The following JADE3 variants were observed in gnomAD, a reference collection of about 807,000 sequenced individuals.
JADE3 encodes the protein protein Jade-3.
In JADE3, 2 loss-of-function variants were observed where a neutral mutation model predicts 50.1. The observed-to-expected ratio is 0.04, with a 90% confidence interval of 0.02 to 0.13. JADE3 has a LOEUF of 0.13. Among genes scored for constraint, JADE3 ranks in the 10% least tolerant of loss-of-function variants. The pLI, the probability that JADE3 is intolerant of heterozygous loss-of-function variation, is 1.00. For missense variants in JADE3, 475 were observed against 634.4 expected, an observed-to-expected ratio of 0.75 and a Z score of 2.70; for synonymous variants, 218 against 232.9, an observed-to-expected ratio of 0.94 and a Z score of 0.58.
chrX:47,035,762 G>A (rs1422420523), intron 7 of JADE3, among the ~76,000 whole-genome samples: 1 of 110,836 alleles, frequency 9.0e-6, no homozygotes, highest in Non-Finnish European at 1.9e-5. Context: ...TATATTTGGC[G>A]GGGTGGGGGG....
chrX:46,977,529 G>A (rs781914418), intron 1 of JADE3, among the ~76,000 whole-genome samples: 1 of 112,141 alleles, frequency 8.9e-6, no homozygotes, highest in East Asian at 2.8e-4. Context: ...AAACTTTTAG[G>A]TATACAATAT....
At chrX:47,016,046 C>A (rs73201913) in intron 4 of JADE3, among the ~76,000 whole-genome samples, 2,743 of 111,196 alleles carry the variant, frequency 0.025, 42 homozygotes, top group Middle Eastern at 0.065. Context: ...TTTCTACTCT[C>A]TAACTTCTCA....
intron 8 of JADE3, among the ~76,000 whole-genome samples, chrX:47,045,333 G>A (rs782747728): frequency 8.9e-6 from 1 of 112,052 alleles, no homozygotes; most frequent in South Asian, 3.7e-4. Context: ...AATGATAAAG[G>A]ATTCAGTTCA....
chrX:47,004,865 A>G lies in JADE3; in HGVS notation c.284+6588A>G, dbSNP rs186308440. ...TGAATTTACATGTATAGAATGGCTCATAGTATTCCCTGTGTTGCTTTCATT... is the reference window on the plus strand; with the variant it reads ...TGAATTTACATGTATAGAATGGCTCGTAGTATTCCCTGTGTTGCTTTCATT... On this transcript the variant is annotated intron_variant, in intron 4 of 10. Coordinates refer to ENST00000614628, the MANE Select transcript of JADE3 (RefSeq NM_014735.5). Among the ~76,000 whole-genome samples the G allele has an allele frequency of 6.9e-3, 777 of 112,741 alleles. 6 individuals carry two copies. Among genetic ancestry groups the G allele is most frequent in the Admixed American group, 0.012 (124 of 10,628 alleles).
intron 1 of JADE3, among the ~76,000 whole-genome samples, chrX:46,968,655 GATA>G (rs1446757886): frequency 1.8e-5 from 2 of 110,983 alleles, no homozygotes; most frequent in African/African-American, 6.6e-5. Context: ...ACTAATATCA[GATA>G]ATTAGATATC....
At chrX:46,944,457 C>T (rs1556342874) in intron 1 of JADE3, among the ~76,000 whole-genome samples, 1 of 109,772 alleles carries the variant, frequency 9.1e-6, no homozygotes, top group African/African-American at 3.3e-5. Context: ...AGGTGCCCAC[C>T]ACCATGCCCA....
At chrX:46,979,597 A>G (rs1200338024) in intron 1 of JADE3, among the ~76,000 whole-genome samples, 1 of 111,965 alleles carries the variant, frequency 8.9e-6, no homozygotes, top group Non-Finnish European at 1.9e-5. Flanking sequence ...GCTGAGTCAT[A>G]GTTGCATATT....
At chrX:46,917,834 C>T (rs1556336759) in intron 1 of JADE3, among the ~76,000 whole-genome samples, 4 of 42,550 alleles carry the variant, frequency 9.4e-5, no homozygotes, top group Admixed American at 6.6e-4. Context: ...TCTCTCTCAT[C>T]CTCTCTCTCT....
chrX:47,016,312 A>G (rs1218387471), intron 4 of JADE3, among the ~76,000 whole-genome samples: 6 of 111,870 alleles, frequency 5.4e-5, no homozygotes, highest in Non-Finnish European at 1.1e-4. Context: ...AGTCAAAGCT[A>G]TGAGATCACA....
intron 1 of JADE3, among the ~76,000 whole-genome samples, chrX:46,978,386 G>A (rs1927671253): frequency 9.0e-6 from 1 of 111,429 alleles, no homozygotes; most frequent in Admixed American, 9.5e-5. Context: ...GAAAGCAAAG[G>A]AGTGAATAAT....
At chrX:46,926,078 A>AG (rs1926358170) in intron 1 of JADE3, among the ~76,000 whole-genome samples, 1 of 81,473 alleles carries the variant, frequency 1.2e-5, no homozygotes, top group African/African-American at 7.3e-5. Flanking sequence ...TTTTATTTTA[A>AG]GAGATGGGAC....
Position 47,060,623 on chromosome X carries a change from G to A in JADE3, c.*1546G>A, listed in dbSNP as rs911311708. On this transcript the variant is annotated 3_prime_UTR_variant, in exon 11 of 11. Transcript: ENST00000614628. ...ATGTATGTGTTTTGCCTCTCTTTTG[G>A]CTACATCTTCAAAATATTTCTTTTG... 4.5e-5 allele frequency: 5 copies of A among 111,604 alleles called. No homozygotes were observed. Among genetic ancestry groups the A allele is most frequent in the Non-Finnish European group, 9.4e-5 (5 of 53,118 alleles). The allele number at this position is 111,604 out of a possible 1,213,427, so 9.2% of individuals were successfully genotyped here. A position where few individuals can be genotyped will look rare whatever the true frequency, so the allele number is the denominator to read the frequency against.
At chrX:46,947,414 A>G (rs782370809) in intron 1 of JADE3, among the ~76,000 whole-genome samples, 9 of 111,766 alleles carry the variant, frequency 8.1e-5, no homozygotes, top group African/African-American at 2.9e-4. Flanking sequence ...CCATGCTTAC[A>G]TAGGAATTTC....
chrX:46,912,327 TG>T (rs2147098387), upstream of JADE3: 1 of 111,671 alleles, frequency 9.0e-6, no homozygotes, highest in Non-Finnish European at 1.9e-5. Flanking sequence ...GGCAGACGGC[TG>T]GGAGCCGCTC....
chrX:47,058,226 T>C lies in JADE3; in HGVS notation c.1621T>C (p.Leu541=), dbSNP rs782734895. ...GTTTTACCCACCACCAAGAATTACC[T>C]TGAAGTTAAAAATGCCCAAATCAAC... ...SLFYPPPRIT[L]KLKMPKSTPE... Residue 541 remains leucine, a synonymous_variant, in exon 11 of 11, where the codon TTG becomes CTG. Transcript: ENST00000614628. The C allele has an allele frequency of 1.7e-6, 2 of 1,210,042 alleles. No homozygotes were observed. Among genetic ancestry groups the C allele is most frequent in the Admixed American group, 2.2e-5 (1 of 45,888 alleles).
intron 4 of JADE3, among the ~76,000 whole-genome samples, chrX:47,002,820 T>G (rs1300002600): frequency 2.7e-5 from 3 of 111,746 alleles, no homozygotes; most frequent in African/African-American, 9.8e-5. Flanking sequence ...GTAGCTAAAA[T>G]GTCTTGTAGT....
chrX:47,054,883 T>C (rs1258148174), intron 9 of JADE3, among the ~76,000 whole-genome samples: 1 of 112,129 alleles, frequency 8.9e-6, no homozygotes, highest in Non-Finnish European at 1.9e-5. Flanking sequence ...TGGTTTACTT[T>C]TTATTCACTG....
chrX:46,916,087 TGACAA>T (rs1354619399), intron 1 of JADE3, among the ~76,000 whole-genome samples: 1 of 111,889 alleles, frequency 8.9e-6, no homozygotes, highest in African/African-American at 3.2e-5. Context: ...TTGAGACACA[TGACAA>T]GAATATATGA....
At chrX:47,030,688 C>T (rs1473044927) in intron 6 of JADE3, among the ~76,000 whole-genome samples, 1 of 112,097 alleles carries the variant, frequency 8.9e-6, no homozygotes, top group Non-Finnish European at 1.9e-5. Context: ...CTTATGTGTA[C>T]TTTAGAAGAG....
Sources: gnomAD v4.1 joint callset for allele counts (sites outside exome capture counted in the v4.1 genomes callset) on GRCh38, gnomAD v4.1.1 for gene constraint, MANE v1.5 for transcripts, NCBI Gene and HGNC (gene_info 2026-07-23, HGNC 2026-07-21) for gene names.